PVT1: variants seen among roughly 807,000 people sequenced by gnomAD.
The protein encoded by PVT1 is Pvt1 oncogene.
At chr8:127,993,334 C>T (rs1185690048) in intron 4 of PVT1, among the ~76,000 whole-genome samples, 2 of 152,252 alleles carry the variant, frequency 1.3e-5, no homozygotes, top group Non-Finnish European at 1.5e-5. Context: ...GGAGCAGTGG[C>T]TGCGCCACCA....
At chr8:127,996,813 A>G (rs1817109073) in intron 4 of PVT1, among the ~76,000 whole-genome samples, 1 of 152,046 alleles carries the variant, frequency 6.6e-6, no homozygotes, top group African/African-American at 2.4e-5. Flanking sequence ...GCAGGGAGGT[A>G]GCACTTCTGT....
At chr8:127,877,713 G>A (rs937510877) in intron 2 of PVT1, among the ~76,000 whole-genome samples, 1 of 152,058 alleles carries the variant, frequency 6.6e-6, no homozygotes, top group Non-Finnish European at 1.5e-5. Context: ...GTCAAACTTA[G>A]TGAACTTTCT....
chr8:127,978,793 ATTAT>A, intron 3 of PVT1, among the ~76,000 whole-genome samples: 1 of 152,122 alleles, frequency 6.6e-6, no homozygotes, highest in Non-Finnish European at 1.5e-5. Context: ...GACCATTATT[ATTAT>A]AATTTTTTTT....
chr8:127,856,529 C>T (rs1008970067), intron 2 of PVT1, among the ~76,000 whole-genome samples: 7 of 151,752 alleles, frequency 4.6e-5, no homozygotes, highest in Admixed American at 2.6e-4. Flanking sequence ...TTGATAGAGA[C>T]GGGGTTTCTC....
intron 2 of PVT1, among the ~76,000 whole-genome samples, chr8:127,860,588 C>A (rs988324521): frequency 1.3e-5 from 2 of 151,864 alleles, no homozygotes; most frequent in East Asian, 3.9e-4. Context: ...CATGGTGAAA[C>A]CCCGTCTCTA....
chr8:127,911,516 A>G (rs546397074), intron 3 of PVT1, among the ~76,000 whole-genome samples: 1 of 152,322 alleles, frequency 6.6e-6, no homozygotes, highest in South Asian at 2.1e-4. Flanking sequence ...GAAGTACGGG[A>G]CTGGAGGTCT....
chr8:127,842,948 C>A (rs1395034923), intron 2 of PVT1, among the ~76,000 whole-genome samples: 1 of 152,204 alleles, frequency 6.6e-6, no homozygotes, highest in African/African-American at 2.4e-5. Flanking sequence ...GGCCAGGTCA[C>A]AATACCCTCT....
chr8:127,930,340 G>T (rs2129884792), intron 3 of PVT1, among the ~76,000 whole-genome samples: 1 of 152,252 alleles, frequency 6.6e-6, no homozygotes, highest in African/African-American at 2.4e-5. Flanking sequence ...TGCATTTTTA[G>T]TAGAGACGAA....
intron 3 of PVT1, among the ~76,000 whole-genome samples, chr8:127,963,336 C>G (rs10100243): frequency 6.6e-6 from 1 of 151,918 alleles, no homozygotes; most frequent in Admixed American, 6.6e-5. Flanking sequence ...ATTTGTGTGT[C>G]CCTGGTGCTT....
intron 2 of PVT1, among the ~76,000 whole-genome samples, chr8:127,859,005 G>T (rs190425536): frequency 6.6e-6 from 1 of 151,570 alleles, no homozygotes; most frequent in South Asian, 2.1e-4. Context: ...ACAGGGTCTT[G>T]CTATGTTGCC....
At chr8:127,899,241 G>A (rs529219059) in intron 3 of PVT1, among the ~76,000 whole-genome samples, 2 of 152,228 alleles carry the variant, frequency 1.3e-5, no homozygotes, top group Non-Finnish European at 2.9e-5. Flanking sequence ...AGCTAAGGGA[G>A]GACACTTGGC....
intron 3 of PVT1, among the ~76,000 whole-genome samples, chr8:127,924,263 C>T (rs1816100467): frequency 6.6e-6 from 1 of 152,144 alleles, no homozygotes; most frequent in Non-Finnish European, 1.5e-5. Flanking sequence ...TTATATATAG[C>T]AGCTTTATTG....
chr8:128,100,091 C>CTCCT (rs1231216534), intron 6 of PVT1, among the ~76,000 whole-genome samples: 1 of 151,120 alleles, frequency 6.6e-6, no homozygotes, highest in Non-Finnish European at 1.5e-5. Flanking sequence ...TCCATAAATT[C>CTCCT]TCCTTCCCTC....
intron 4 of PVT1, among the ~76,000 whole-genome samples, chr8:128,019,073 C>A (rs1270958763): frequency 1.3e-5 from 2 of 152,208 alleles, no homozygotes; most frequent in African/African-American, 4.8e-5. Flanking sequence ...TGAGCAGCCG[C>A]TGACCATCAG....
chr8:127,812,264 C>CAGGAAGGCAGGAAGGA (rs1563611740), intron 2 of PVT1, among the ~76,000 whole-genome samples: 2 of 125,950 alleles, frequency 1.6e-5, no homozygotes, highest in South Asian at 2.5e-4. Flanking sequence ...GGCAGGAAGG[C>CAGGAAGGCAGGAAGGA]AGGAAGGAAG....
intron 5 of PVT1, among the ~76,000 whole-genome samples, chr8:128,081,791 C>T (rs1307232673): frequency 1.3e-5 from 2 of 152,092 alleles, no homozygotes; most frequent in Admixed American, 6.5e-5. Context: ...GGTCCCAAAA[C>T]GAGAAATGAG....
intron 5 of PVT1, among the ~76,000 whole-genome samples, chr8:128,071,529 A>T (rs2720668): frequency 0.31 from 45,660 of 148,958 alleles, 7,211 homozygotes; most frequent in East Asian, 0.39. Flanking sequence ...AAAAATTTTT[A>T]AAAAAAAAAA....
chr8:128,098,162 G>A (rs936549379), intron 6 of PVT1, among the ~76,000 whole-genome samples: 2 of 152,058 alleles, frequency 1.3e-5, no homozygotes, highest in Admixed American at 6.6e-5. Context: ...GAATTGTAGT[G>A]TGCAGCCTTG....
chr8:128,070,785 G>A (rs2130135252), intron 5 of PVT1, among the ~76,000 whole-genome samples: 1 of 152,252 alleles, frequency 6.6e-6, no homozygotes, highest in South Asian at 2.1e-4. Flanking sequence ...TAACAAGATT[G>A]TCATGGCTGT....
Sources: allele counts gnomAD v4.1 joint callset (sites outside exome capture counted in the v4.1 genomes callset), GRCh38; gene constraint gnomAD v4.1.1; transcripts MANE v1.5; gene names NCBI Gene and HGNC (gene_info 2026-07-23, HGNC 2026-07-21).